The following PIK3CB variants were observed in gnomAD, a reference collection of about 807,000 sequenced individuals.
PIK3CB encodes the protein phosphatidylinositol-4,5-bisphosphate 3-kinase catalytic subunit beta.
In PIK3CB, 39 loss-of-function variants were observed where a neutral mutation model predicts 136.8. That is an observed-to-expected ratio of 0.29 (90% CI 0.22 to 0.37). The LOEUF (loss-of-function observed/expected upper bound fraction) is 0.37. Ranked by LOEUF, PIK3CB falls within the 10% of genes least tolerant of loss-of-function variation. The pLI is 1.00. For synonymous variants in PIK3CB, 428 were observed against 436.6 expected (o/e 0.98, Z 0.25); for missense variants, 868 against 1,275.4 (o/e 0.68, Z 4.87).
At chr3:138,833,847 C>T (rs963113209) in intron 1 of PIK3CB, among the ~76,000 whole-genome samples, 1 of 152,162 alleles carries the variant, frequency 6.6e-6, no homozygotes, top group African/African-American at 2.4e-5. Flanking sequence ...CGAATTTGCT[C>T]GGTTTCATTT....
At chr3:138,692,662 G>C (rs1466341629) in intron 14 of PIK3CB, among the ~76,000 whole-genome samples, 1 of 152,148 alleles carries the variant, frequency 6.6e-6, no homozygotes, top group East Asian at 1.9e-4. Flanking sequence ...CACTATTGGT[G>C]AGTCTGTGTA....
intron 1 of PIK3CB, among the ~76,000 whole-genome samples, chr3:138,824,740 A>AG (rs1166697312): frequency 6.6e-5 from 10 of 151,710 alleles, no homozygotes; most frequent in South Asian, 2.1e-4. Context: ...CTCGGGGAGA[A>AG]GGGGGGTCAC....
At chr3:138,747,360 C>G (rs1020064678) in intron 4 of PIK3CB, among the ~76,000 whole-genome samples, 6 of 151,646 alleles carry the variant, frequency 4.0e-5, no homozygotes, top group African/African-American at 1.5e-4. Flanking sequence ...GGAGAGATCC[C>G]TTTTTACTGC....
chr3:138,657,051 C>T (rs949996159), intron 22 of PIK3CB, among the ~76,000 whole-genome samples: 6 of 151,994 alleles, frequency 3.9e-5, no homozygotes, highest in Non-Finnish European at 7.4e-5. Context: ...ACAGGCATGA[C>T]CTACCGCGCC....
intron 8 of PIK3CB, among the ~76,000 whole-genome samples, chr3:138,716,163 G>A (rs1223675475): frequency 2.6e-5 from 4 of 152,088 alleles, no homozygotes; most frequent in Non-Finnish European, 4.4e-5. Flanking sequence ...GATACTAAAA[G>A]TAGTTGCAGT....
chr3:138,716,918 A>AG (rs1559837514), intron 8 of PIK3CB, among the ~76,000 whole-genome samples: 3 of 149,464 alleles, frequency 2.0e-5, no homozygotes, highest in Non-Finnish European at 3.0e-5. Flanking sequence ...AAAAAAAAAA[A>AG]AAAAGCATGT....
chr3:138,756,968 GA>G (rs1369806206), intron 3 of PIK3CB, among the ~76,000 whole-genome samples: 6 of 152,156 alleles, frequency 3.9e-5, no homozygotes, highest in Admixed American at 1.3e-4. Context: ...AATATATAAA[GA>G]ACTCCTACAA....
At chr3:138,709,270 G>A (rs539364513) in intron 10 of PIK3CB, among the ~76,000 whole-genome samples, 1 of 151,746 alleles carries the variant, frequency 6.6e-6, no homozygotes, top group East Asian at 1.9e-4. Flanking sequence ...AGCACTGTTT[G>A]AACTATCAGA....
chr3:138,730,652 G>A (rs2044951267), intron 8 of PIK3CB, among the ~76,000 whole-genome samples: 1 of 152,148 alleles, frequency 6.6e-6, no homozygotes, highest in Non-Finnish European at 1.5e-5. Flanking sequence ...GTCTGGCATG[G>A]TGGCTTGTGC....
At chr3:138,741,305 A>G (rs1257342355) in intron 5 of PIK3CB, among the ~76,000 whole-genome samples, 3 of 152,230 alleles carry the variant, frequency 2.0e-5, no homozygotes, top group African/African-American at 7.2e-5. Flanking sequence ...GGCACAAAAC[A>G]CTAAACTTGT....
chr3:138,808,415 G>C (rs2046257244), intron 1 of PIK3CB, among the ~76,000 whole-genome samples: 2 of 152,104 alleles, frequency 1.3e-5, no homozygotes, highest in South Asian at 4.1e-4. Context: ...AAGATCATTT[G>C]AGCCCAGGAG....
At chr3:138,823,288 C>T (rs534363504) in intron 1 of PIK3CB, among the ~76,000 whole-genome samples, 1 of 151,680 alleles carries the variant, frequency 6.6e-6, no homozygotes, top group South Asian at 2.1e-4. Context: ...AAGGCCTATA[C>T]TAAATCAAGA....
Position 138,813,620 on chromosome 3 carries a change from T to C in PIK3CB, c.-121-17053A>G, listed in dbSNP as rs558137391. 2.0e-5 allele frequency among the ~76,000 whole-genome samples: 3 copies of C among 152,084 alleles called. No individual in the cohort carries two copies. In the South Asian group the frequency reaches 6.2e-4, roughly 32 times the overall value. ...TTTTAGTAGAGACGGGGTTTCACCA[T>C]GTTAGCCAGGACAGTCTCGATCTCC... On this transcript the variant is annotated intron_variant, in intron 1 of 23. Transcript: ENST00000674063.
intron 6 of PIK3CB, among the ~76,000 whole-genome samples, chr3:138,736,921 C>A (rs1297594568): frequency 6.6e-6 from 1 of 152,028 alleles, no homozygotes; most frequent in Non-Finnish European, 1.5e-5. Context: ...TGGATAATCA[C>A]AAATAAGTTT....
chr3:138,735,835 GA>G (rs909691370), intron 6 of PIK3CB, among the ~76,000 whole-genome samples: 2 of 151,478 alleles, frequency 1.3e-5, no homozygotes, highest in Non-Finnish European at 2.9e-5. Flanking sequence ...TTTTGTCAGA[GA>G]AAAAAAACTT....
intron 8 of PIK3CB, among the ~76,000 whole-genome samples, chr3:138,725,690 C>T (rs2044821750): frequency 6.6e-6 from 1 of 151,998 alleles, no homozygotes; most frequent in African/African-American, 2.4e-5. Flanking sequence ...CCATTTGATT[C>T]TTCCTTATAT....
intron 14 of PIK3CB, 104 bp downstream of exon 14, chr3:138,694,682 A>C (rs929200379): frequency 8.4e-7 from 1 of 1,193,390 alleles, no homozygotes; most frequent in Non-Finnish European, 1.2e-6. Flanking sequence ...AACTGTGAAT[A>C]ATTCTGAGCC....
At chr3:138,706,839 A>T (rs1343248287) in intron 11 of PIK3CB, among the ~76,000 whole-genome samples, 2 of 152,212 alleles carry the variant, frequency 1.3e-5, no homozygotes, top group Non-Finnish European at 2.9e-5. Context: ...TATTTTTAGT[A>T]GAGACAGGGC....
rs182282097 is a variant in PIK3CB at position 138,753,698 on chromosome 3, C to T, written c.397+2056G>A. 1.7e-3 allele frequency among the ~76,000 whole-genome samples: 255 copies of T among 151,746 alleles called. 1 individual carries two copies. Among genetic ancestry groups the T allele is most frequent in the African/African-American group, 5.9e-3 (245 of 41,334 alleles). On this transcript the variant is annotated intron_variant, in intron 4 of 23. Transcript: ENST00000674063. ...GCATATGCCTGTGGTCTCAACTACT[C>T]GGGAGGCTGAGGTAGGAGGATCACT... is the stretch of plus-strand genomic sequence containing the variant.
Sources: gnomAD v4.1 joint callset for allele counts (sites outside exome capture counted in the v4.1 genomes callset) on GRCh38, gnomAD v4.1.1 for gene constraint, MANE v1.5 for transcripts, NCBI Gene and HGNC (gene_info 2026-07-23, HGNC 2026-07-21) for gene names.